Variants in THSD7A observed in about 807,000 individuals in gnomAD.
THSD7A encodes thrombospondin type-1 domain-containing protein 7A.
Under a neutral mutation model 231.3 loss-of-function variants are expected in THSD7A, and 96 were observed. The observed-to-expected ratio is 0.41, with a 90% CI of 0.35 to 0.49. The LOEUF is 0.49. Among genes scored for constraint, THSD7A ranks in the 20% least tolerant of loss-of-function variants. The pLI is 0.05. For synonymous variants in THSD7A, 940 were observed against 743.3 expected, an observed-to-expected ratio of 1.26 and a Z score of -4.30; for missense variants, 2,290 against 2,070.2, an observed-to-expected ratio of 1.11 and a Z score of -2.06.
chr7:11,406,472 C>T lies in THSD7A; in HGVS notation c.4065G>A (p.Glu1355=). 1.9e-6 allele frequency: 3 copies of T among 1,604,632 alleles called. No homozygotes were observed. The highest frequency in any genetic ancestry group is 2.2e-5 in the East Asian group (1 of 44,814). ...YGQWSPCQVQ[E]AQCGEGTRTR... is the part of the protein sequence containing the mutation. ...TTCTGGTCCCTTCTCCACACTGGGCCTCCTGGAATGGAGGAAGAAATAACT... is the reference window on the plus strand; with the variant it reads ...TTCTGGTCCCTTCTCCACACTGGGCTTCCTGGAATGGAGGAAGAAATAACT... Residue 1355 remains glutamate, a splice_region_variant and synonymous_variant, in exon 22 of 28, where the codon GAG becomes GAA. Transcript: ENST00000423059. The surrounding 1 kb of genome is among the most constrained non-coding windows in gnomAD (Gnocchi z 4.7).
chr7:11,504,413 T>C (rs937621810), intron 6 of THSD7A, among the ~76,000 whole-genome samples: 6 of 152,106 alleles, frequency 3.9e-5, no homozygotes, highest in Non-Finnish European at 8.8e-5. Flanking sequence ...AACCTAATAA[T>C]GTGTACAACA....
chr7:11,659,421 C>A (rs910616966), intron 1 of THSD7A, among the ~76,000 whole-genome samples: 5 of 151,510 alleles, frequency 3.3e-5, no homozygotes, highest in African/African-American at 1.2e-4. Context: ...ATAAATTCTA[C>A]GACGTTCTGA....
In THSD7A at chr7:11,379,095, G is replaced by A; in HGVS notation, c.4776C>T (p.Thr1592=). The A allele has an allele frequency of 6.2e-7, 1 of 1,613,432 alleles. No homozygotes were observed. Among genetic ancestry groups the A allele is most frequent in the Non-Finnish European group, 8.5e-7 (1 of 1,179,644 alleles). Residue 1592 remains threonine, a synonymous_variant, in exon 26 of 28, where the codon ACC becomes ACT. Coordinates refer to ENST00000423059, the MANE Select transcript of THSD7A (RefSeq NM_015204.3). ...CTGGCCCAAATGGCTGTAGAAACCAGGTCCTTCCCCGTCCTGCTGGGTTAC... is the reference window on the plus strand; with the variant it reads ...CTGGCCCAAATGGCTGTAGAAACCAAGTCCTTCCCCGTCCTGCTGGGTTAC... The part of the protein sequence containing the change: ...PSSNPAGRGR[T]WFLQPFGPDG...
In THSD7A at chr7:11,712,988, G is replaced by A. The variant is rs145740868; in HGVS notation, c.191-76027C>T. On this transcript the variant is annotated intron_variant, in intron 1 of 27. Transcript: ENST00000423059. ...TTTCTCCGTCTTTTTTACTTCCATG[G>A]TACCACATCTCTACATGACTCTGAT... is the stretch of plus-strand genomic sequence containing the variant. Among the ~76,000 whole-genome samples, 694 of 150,844 alleles carry A rather than the reference G, an allele frequency of 4.6e-3. 5 individuals are homozygous for A. Among genetic ancestry groups the A allele is most frequent in the African/African-American group, 0.016 (668 of 41,268 alleles).
At chr7:11,435,281 G>T (rs927257420) in intron 13 of THSD7A, among the ~76,000 whole-genome samples, 10 of 152,064 alleles carry the variant, frequency 6.6e-5, no homozygotes, top group Non-Finnish European at 1.5e-4. Context: ...CCTTGGCCAG[G>T]TAGGTCTCTC....
chr7:11,513,154 G>T (rs9638670), intron 6 of THSD7A, among the ~76,000 whole-genome samples: 1 of 150,302 alleles, frequency 6.7e-6, no homozygotes, highest in African/African-American at 2.5e-5. Flanking sequence ...TTGGGGACTT[G>T]GGGGGAAGAG....
chr7:11,737,768 AC>A (rs1249928030), intron 1 of THSD7A, among the ~76,000 whole-genome samples: 1 of 152,044 alleles, frequency 6.6e-6, no homozygotes, highest in Non-Finnish European at 1.5e-5. Flanking sequence ...TTCAAAAGAT[AC>A]CCACAGATCT....
rs1385516223 is a variant in THSD7A, at chr7:11,374,572, ATTAT to A, written c.*1218_*1221del. ...CTTTAGTTACAAAGGTCATTGATACATTATTTATTTTCTCCATCTGCTCAAAATT... is the reference window on the plus strand; with the variant it reads ...CTTTAGTTACAAAGGTCATTGATACATTATTTTCTCCATCTGCTCAAAATT... On this transcript the variant is annotated 3_prime_UTR_variant, in exon 28 of 28. Coordinates refer to ENST00000423059, the MANE Select transcript of THSD7A (RefSeq NM_015204.3). The A allele has an allele frequency of 7.9e-5, 12 of 152,008 alleles. No homozygotes were observed. Among genetic ancestry groups the A allele is most frequent in the African/African-American group, 2.7e-4 (11 of 41,422 alleles). The allele number at this position is 152,008 out of a possible 1,614,324, so 9.4% of individuals were successfully genotyped here.
chr7:11,513,811 A>G (rs938771499), intron 6 of THSD7A, among the ~76,000 whole-genome samples: 2 of 152,300 alleles, frequency 1.3e-5, no homozygotes, highest in African/African-American at 4.8e-5. Context: ...CCTTAATTTA[A>G]AAAACAATTT....
intron 19 of THSD7A, among the ~76,000 whole-genome samples, chr7:11,408,512 A>G (rs1226214544): frequency 6.6e-6 from 1 of 151,780 alleles, no homozygotes; most frequent in Non-Finnish European, 1.5e-5. Context: ...ATAAAAAAAA[A>G]AAAATGAAAA....
intron 24 of THSD7A, 94 bp from the exon 25 acceptor site, chr7:11,379,806 C>G: frequency 1.5e-6 from 2 of 1,328,336 alleles, no homozygotes; most frequent in Non-Finnish European, 2.1e-6. Flanking sequence ...TCTTGAACCA[C>G]CTTGGGAATC....
At chr7:11,744,414 A>T (rs1782210619) in intron 1 of THSD7A, among the ~76,000 whole-genome samples, 1 of 151,002 alleles carries the variant, frequency 6.6e-6, no homozygotes, top group Non-Finnish European at 1.5e-5. Flanking sequence ...TTATGATACC[A>T]GGTTTTTTTA....
At chr7:11,718,328 A>T (rs1781215590) in intron 1 of THSD7A, among the ~76,000 whole-genome samples, 1 of 151,662 alleles carries the variant, frequency 6.6e-6, no homozygotes. Flanking sequence ...TAACCTGTCT[A>T]CATAGATACA....
rs1333874726 is a variant in THSD7A at position 11,373,803 on chromosome 7, C to CTGT, written c.*1988_*1990dup. On this transcript the variant is annotated 3_prime_UTR_variant, in exon 28 of 28. Coordinates refer to ENST00000423059, the MANE Select transcript of THSD7A (RefSeq NM_015204.3). ...CCAAAACACTTTTACAGGAACACAG[C>CTGT]TGTTTAAGATAAAATAGCATGTTAG... 1 of 152,008 alleles carries CTGT rather than the reference C, an allele frequency of 6.6e-6. No individual in the cohort carries two copies. The highest frequency in any genetic ancestry group is 1.5e-5 in the Non-Finnish European group (1 of 67,992). 9.4% of individuals were successfully genotyped at this position (152,008 alleles called of 1,614,324 possible). A position where few individuals can be genotyped will look rare whatever the true frequency, so the allele number is the denominator to read the frequency against.
At chr7:11,395,020 G>A (rs1445737014) in intron 23 of THSD7A, among the ~76,000 whole-genome samples, 2 of 152,086 alleles carry the variant, frequency 1.3e-5, no homozygotes, top group Admixed American at 6.5e-5. Context: ...GACACAGACT[G>A]GCAAATTGAA....
chr7:11,507,485 T>A (rs1031882329), intron 6 of THSD7A, among the ~76,000 whole-genome samples: 2 of 152,166 alleles, frequency 1.3e-5, no homozygotes, highest in Non-Finnish European at 2.9e-5. Context: ...CAAGTGTTTA[T>A]ACTGACTTGT....
intron 1 of THSD7A, among the ~76,000 whole-genome samples, chr7:11,657,334 T>G (rs1161481787): frequency 6.6e-6 from 1 of 151,520 alleles, no homozygotes; most frequent in East Asian, 1.9e-4. Context: ...ATTGTGAAGG[T>G]AGAGAATTCC....
intron 1 of THSD7A, among the ~76,000 whole-genome samples, chr7:11,652,714 G>C (rs1782551983): frequency 6.6e-6 from 1 of 151,814 alleles, no homozygotes; most frequent in Non-Finnish European, 1.5e-5. Context: ...AAATGGTTTT[G>C]CTTCCAAAAT....
intron 1 of THSD7A, among the ~76,000 whole-genome samples, chr7:11,708,296 A>C (rs1276269122): frequency 6.6e-6 from 1 of 150,842 alleles, no homozygotes; most frequent in African/African-American, 2.4e-5. Context: ...TAAAAATATA[A>C]TTAGTTTTTA....
Sources: allele counts gnomAD v4.1 joint callset (sites outside exome capture counted in the v4.1 genomes callset), GRCh38; gene constraint gnomAD v4.1.1; non-coding constraint Gnocchi (gnomAD v3.1); transcripts MANE v1.5; gene names NCBI Gene and HGNC (gene_info 2026-07-23, HGNC 2026-07-21).